The following PREX1 variants were observed in gnomAD, a reference collection of about 807,000 sequenced individuals.
PREX1 encodes the protein phosphatidylinositol-3,4,5-trisphosphate dependent Rac exchange factor 1, also known as phosphatidylinositol 3,4,5-trisphosphate-dependent Rac exchanger 1 protein.
PREX1 carries 41 observed loss-of-function variants against 198.3 expected under a neutral mutation model. The observed-to-expected ratio is 0.21, with a 90% CI of 0.16 to 0.27. The LOEUF (loss-of-function observed/expected upper bound fraction) is 0.27. PREX1 is among the 10% of genes least tolerant of loss of function. The pLI, the probability that PREX1 is intolerant of heterozygous loss-of-function variation, is 1.00. For missense variants in PREX1, 1,620 were observed against 2,200.7 expected, an observed-to-expected ratio of 0.74 and a Z score of 5.28; for synonymous variants, 843 against 887.2, an observed-to-expected ratio of 0.95 and a Z score of 0.89.
intron 1 of PREX1, among the ~76,000 whole-genome samples, chr20:48,809,981 AAAGAAC>A (rs1359889977): frequency 1.3e-5 from 2 of 152,180 alleles, no homozygotes; most frequent in South Asian, 4.1e-4. Context: ...TTTTCATCTC[AAAGAAC>A]AAGAAGGACC....
intron 5 of PREX1, among the ~76,000 whole-genome samples, chr20:48,722,933 C>A (rs904193183): frequency 2.0e-5 from 3 of 152,232 alleles, no homozygotes; most frequent in African/African-American, 7.2e-5. Flanking sequence ...AGATCAGTGA[C>A]AGTCAGGCCC....
intron 1 of PREX1, among the ~76,000 whole-genome samples, chr20:48,826,626 C>A (rs1261590414): frequency 2.6e-5 from 4 of 152,138 alleles, no homozygotes; most frequent in Non-Finnish European, 4.4e-5. Flanking sequence ...AGGCCGAGGT[C>A]GGCGGATCAC....
chr20:48,749,970 T>G (rs2090127059), intron 1 of PREX1, among the ~76,000 whole-genome samples: 2 of 151,536 alleles, frequency 1.3e-5, no homozygotes, highest in African/African-American at 4.9e-5. Context: ...ACCCCCAGAC[T>G]CTTATCTCCA....
intron 39 of PREX1, among the ~76,000 whole-genome samples, chr20:48,627,302 G>C (rs536207012): frequency 6.6e-6 from 1 of 151,778 alleles, no homozygotes; most frequent in Non-Finnish European, 1.5e-5. Flanking sequence ...ACAGTGTAGT[G>C]AGGTGGGAGG....
At chr20:48,694,904 G>C (rs538977376) in intron 7 of PREX1, among the ~76,000 whole-genome samples, 1 of 152,180 alleles carries the variant, frequency 6.6e-6, no homozygotes, top group African/African-American at 2.4e-5. Flanking sequence ...AACCAGAGGG[G>C]AGACCACTGC....
chr20:48,626,051 G>T, intron 39 of PREX1, 124 bp from the exon 40 acceptor site: 1 of 1,093,866 alleles, frequency 9.1e-7, no homozygotes, highest in Non-Finnish European at 1.3e-6. Context: ...GTATATAAAA[G>T]ATGCAGAGAA....
rs1224117956 is a variant in PREX1 at position 48,625,448 on chromosome 20, T to C, written c.*437A>G. The C allele has an allele frequency of 6.1e-6, 1 of 164,350 alleles. No homozygotes were observed. Among genetic ancestry groups the C allele is most frequent in the Non-Finnish European group, 1.3e-5 (1 of 75,790 alleles). 10.2% of individuals were successfully genotyped at this position (164,350 alleles called of 1,614,324 possible). On this transcript the variant is annotated 3_prime_UTR_variant, in exon 40 of 40. Transcript: ENST00000371941. The stretch of plus-strand genomic sequence containing the variant: ...GTTAGGGTGAACCTGGAAGCTAAGA[T>C]GAGGAGGAGGAGACACGTGTGGTCA...
chr20:48,661,419 C>CAAAAAA lies in PREX1; in HGVS notation c.1739-1364_1739-1359dup, dbSNP rs1168247790. Among the ~76,000 whole-genome samples the CAAAAAA allele has an allele frequency of 2.5e-3, 30 of 12,028 alleles. 4 individuals are homozygous for CAAAAAA. Among genetic ancestry groups the CAAAAAA allele is most frequent in the African/African-American group, 4.1e-3 (10 of 2,430 alleles). 7.9% of individuals were successfully genotyped at this position (12,028 alleles called of 152,430 possible). A position where few individuals can be genotyped will look rare whatever the true frequency, so the allele number is the denominator to read the frequency against. On this transcript the variant is annotated intron_variant, in intron 15 of 39. Transcript: ENST00000371941. ...GGGCAACAAGAGCAAAACTCCATCT[C>CAAAAAA]AAAAAAAAAAAAAAAAAAAAAAAAA...
chr20:48,634,656 G>C lies in PREX1; in HGVS notation c.4267+20C>G. 1 of 1,610,102 alleles carries C rather than the reference G, an allele frequency of 6.2e-7. No individual in the cohort carries two copies. Among genetic ancestry groups the C allele is most frequent in the East Asian group, 2.2e-5 (1 of 44,840 alleles). On this transcript the variant is annotated intron_variant, in intron 33 of 39. Coordinates refer to ENST00000371941, the MANE Select transcript of PREX1 (RefSeq NM_020820.4). ...CCAGGACCCCACCTCTCACAGTGGG[G>C]GATGGGAGAAATCACTCACTGGCCA...
At chr20:48,751,585 C>T (rs568907850) in intron 1 of PREX1, among the ~76,000 whole-genome samples, 64 of 152,232 alleles carry the variant, frequency 4.2e-4, no homozygotes, top group Non-Finnish European at 7.2e-4. Flanking sequence ...GGCAGCACGG[C>T]GTCCCCTGCA....
chr20:48,768,146 T>C (rs1235235130), intron 1 of PREX1, among the ~76,000 whole-genome samples: 1 of 152,202 alleles, frequency 6.6e-6, no homozygotes, highest in Non-Finnish European at 1.5e-5. Context: ...TTCCTATGTA[T>C]GTAACACAGA....
intron 35 of PREX1, among the ~76,000 whole-genome samples, chr20:48,631,176 T>C (rs1343135129): frequency 6.6e-6 from 1 of 152,224 alleles, no homozygotes; most frequent in Non-Finnish European, 1.5e-5. Flanking sequence ...GTCAGCGAAC[T>C]TCTTCTGTGA....
Position 48,645,937 on chromosome 20 carries a change from C to G in PREX1, c.3426G>C (p.Gly1142=), listed in dbSNP as rs1182615513. The G allele has an allele frequency of 1.2e-6, 2 of 1,614,102 alleles. No homozygotes were observed. The highest frequency in any genetic ancestry group is 1.7e-5 in the Admixed American group (1 of 60,010). The change falls in exon 26 of 40, where the codon GGG becomes GGC. Residue 1142 remains glycine (G), a synonymous_variant. Transcript: ENST00000371941. ...CCTTGAAGCACACCTTCTTGATGCC[C>G]CCATGGTCACTCCTGTCCATCTCGC... ...EESEMDRSDH[G]GIKKVCFKVA...
chr20:48,646,176 C>A, intron 25 of PREX1, 119 bp from the exon 26 acceptor site: 1 of 972,090 alleles, frequency 1.0e-6, no homozygotes, highest in Admixed American at 2.1e-5. Context: ...GGGTGGGAGA[C>A]TCGCAAGTTC....
At chr20:48,856,738 A>C in the PREX1 span, among the ~76,000 whole-genome samples, 1 of 152,250 alleles carries the variant, frequency 6.6e-6, no homozygotes, top group Non-Finnish European at 1.5e-5. Flanking sequence ...AAAACAAATT[A>C]AATGTGTTAA....
intron 7 of PREX1, among the ~76,000 whole-genome samples, chr20:48,698,520 G>A (rs942536290): frequency 5.9e-5 from 9 of 152,152 alleles, no homozygotes; most frequent in African/African-American, 9.7e-5. Flanking sequence ...CCAGAAAGGA[G>A]GCAGGGAAAG....
intron 5 of PREX1, among the ~76,000 whole-genome samples, chr20:48,718,666 T>C (rs2123110905): frequency 6.6e-6 from 1 of 152,290 alleles, no homozygotes; most frequent in East Asian, 1.9e-4. Flanking sequence ...AGGATTCAGA[T>C]AGGTCAACCA....
intron 1 of PREX1, among the ~76,000 whole-genome samples, chr20:48,768,794 C>T (rs1230621721): frequency 4.0e-5 from 6 of 151,666 alleles, no homozygotes; most frequent in Admixed American, 2.0e-4. Context: ...AAAGAAAAGT[C>T]GTCATTCAAG....
intron 1 of PREX1, among the ~76,000 whole-genome samples, chr20:48,813,394 T>A (rs2090444935): frequency 4.6e-5 from 7 of 152,182 alleles, no homozygotes; most frequent in Admixed American, 3.3e-4. Context: ...GATCCAGGAC[T>A]AGATCCTGGA....
Sources: allele counts gnomAD v4.1 joint callset (sites outside exome capture counted in the v4.1 genomes callset), GRCh38; gene constraint gnomAD v4.1.1; transcripts MANE v1.5; gene names NCBI Gene and HGNC (gene_info 2026-07-23, HGNC 2026-07-21).